Variants in DCC observed in about 807,000 individuals in gnomAD.
The protein encoded by DCC is DCC netrin 1 receptor, also known as netrin receptor DCC.
DCC carries 58 observed loss-of-function variants against 172.5 expected under a neutral mutation model. The ratio of observed to expected loss-of-function variants is 0.34; its 90% CI spans 0.27 to 0.42. The LOEUF (loss-of-function observed/expected upper bound fraction) is 0.42, where lower values mean the gene tolerates loss of function less well. Among genes scored for constraint, DCC ranks in the 10% least tolerant of loss-of-function variants. DCC has a pLI of 1.00. For synonymous variants in DCC, 709 were observed against 644.5 expected (o/e 1.10, Z -1.52); for missense variants, 1,740 against 1,791.0 (o/e 0.97, Z 0.51).
intron 1 of DCC, among the ~76,000 whole-genome samples, chr18:52,659,149 C>G (rs897138784): frequency 1.3e-5 from 2 of 152,008 alleles, no homozygotes; most frequent in African/African-American, 2.4e-5. Context: ...GAAGGTAAAG[C>G]AGAAACAGAT....
At chr18:53,050,175 C>T (rs1311887985) in intron 5 of DCC, among the ~76,000 whole-genome samples, 1 of 152,086 alleles carries the variant, frequency 6.6e-6, no homozygotes, top group East Asian at 1.9e-4. Flanking sequence ...TATCTAGCCA[C>T]GCTGGCAGCA....
chr18:52,927,165 A>G lies in DCC; in HGVS notation c.985+1795A>G, dbSNP rs1259887281. On this transcript the variant is annotated intron_variant, in intron 5 of 28. Coordinates refer to ENST00000442544, the MANE Select transcript of DCC (RefSeq NM_005215.4). ...TATATATGTGTATATATACGTATAT[A>G]TGTGTATATATGTGTATATATACGT... Among the ~76,000 whole-genome samples, 12 of 32,326 alleles carry G rather than the reference A, an allele frequency of 3.7e-4. 2 individuals carry two copies. The highest frequency in any genetic ancestry group is 3.5e-4 in the Non-Finnish European group (5 of 14,188). 21.2% of individuals were successfully genotyped at this position (32,326 alleles called of 152,430 possible).
At chr18:52,419,612 G>C (rs1422477029) in intron 1 of DCC, 1 of 152,060 alleles carries the variant, frequency 6.6e-6, no homozygotes, top group Non-Finnish European at 1.5e-5. Context: ...TCTGAGATAA[G>C]AAGATCATTC....
At chr18:53,333,263 T>G (rs950566842) in intron 14 of DCC, among the ~76,000 whole-genome samples, 1 of 152,126 alleles carries the variant, frequency 6.6e-6, no homozygotes, top group Non-Finnish European at 1.5e-5. Context: ...TCTATAGAAA[T>G]GAACACATTT....
intron 28 of DCC, among the ~76,000 whole-genome samples, chr18:53,528,697 A>C (rs2046486418): frequency 6.6e-6 from 1 of 152,178 alleles, no homozygotes; most frequent in Non-Finnish European, 1.5e-5. Context: ...TGTAAAAATA[A>C]ATAGGTGAAG....
intron 15 of DCC, among the ~76,000 whole-genome samples, chr18:53,352,205 G>A (rs560758681): frequency 2.0e-5 from 3 of 152,054 alleles, no homozygotes; most frequent in Non-Finnish European, 4.4e-5. Context: ...ACAGCCTAAA[G>A]TTTCTGATTA....
chr18:52,958,982 TTTTG>T (rs1272755424), intron 5 of DCC, among the ~76,000 whole-genome samples: 4 of 152,126 alleles, frequency 2.6e-5, no homozygotes, highest in African/African-American at 9.7e-5. Context: ...TTTTTTGTAA[TTTTG>T]TTTTTTAGCT....
chr18:53,043,752 G>A (rs1170792202), intron 5 of DCC, among the ~76,000 whole-genome samples: 1 of 151,862 alleles, frequency 6.6e-6, no homozygotes, highest in Non-Finnish European at 1.5e-5. Flanking sequence ...TTCCTAAAGT[G>A]TATGCTTTAA....
At chr18:53,339,174 T>C (rs371238030) in intron 14 of DCC, among the ~76,000 whole-genome samples, 3 of 152,226 alleles carry the variant, frequency 2.0e-5, no homozygotes, top group East Asian at 3.9e-4. Context: ...CTTTTAATAA[T>C]AAATGCATTT....
intron 1 of DCC, among the ~76,000 whole-genome samples, chr18:52,650,654 G>C (rs2035114761): frequency 6.6e-6 from 1 of 152,130 alleles, no homozygotes; most frequent in Non-Finnish European, 1.5e-5. Flanking sequence ...AGGTTGTCTG[G>C]TATATAGTTT....
At chr18:52,670,763 C>G (rs1366375226) in intron 1 of DCC, among the ~76,000 whole-genome samples, 1 of 152,004 alleles carries the variant, frequency 6.6e-6, no homozygotes, top group Non-Finnish European at 1.5e-5. Context: ...TCATTTGAAC[C>G]CTGGAAGCGG....
At chr18:52,409,862 A>G (rs1329277662) in intron 1 of DCC, among the ~76,000 whole-genome samples, 1 of 152,124 alleles carries the variant, frequency 6.6e-6, no homozygotes, top group Non-Finnish European at 1.5e-5. Flanking sequence ...GGAGAAACTG[A>G]AAGTAATAAA....
At chr18:53,046,893 C>A (rs1294137090) in intron 5 of DCC, among the ~76,000 whole-genome samples, 1 of 151,726 alleles carries the variant, frequency 6.6e-6, no homozygotes, top group African/African-American at 2.4e-5. Flanking sequence ...ACAACACAGC[C>A]AGAGCTGGGA....
At chr18:53,281,389 C>G (rs986710813) in intron 12 of DCC, among the ~76,000 whole-genome samples, 2 of 152,174 alleles carry the variant, frequency 1.3e-5, no homozygotes, top group Non-Finnish European at 2.9e-5. Flanking sequence ...GGTCAACACA[C>G]ACACGCACAC....
In DCC at chr18:53,500,747, C is replaced by T. The variant is rs929509239; in HGVS notation, c.4111+1237C>T. On this transcript the variant is annotated intron_variant, in intron 27 of 28. Transcript: ENST00000442544. Reference sequence around the variant, plus strand: ...GTAGGATTCCATTGGTTGGGACGCACGTTCCACTATGGAGTCTTCCTTGAC... The same window carrying T: ...GTAGGATTCCATTGGTTGGGACGCATGTTCCACTATGGAGTCTTCCTTGAC... 8.6e-5 allele frequency among the ~76,000 whole-genome samples: 13 copies of T among 151,798 alleles called. No individual in the cohort carries two copies. The South Asian group carries it at 1.0e-3, about 12-fold the overall frequency.
At chr18:52,857,114 A>G (rs1568149191) in intron 2 of DCC, among the ~76,000 whole-genome samples, 1 of 152,224 alleles carries the variant, frequency 6.6e-6, no homozygotes, top group Non-Finnish European at 1.5e-5. Context: ...CATTTTGGAA[A>G]AAAAATGGTA....
In DCC at chr18:53,122,716, C is replaced by T. The variant is rs73457548; in HGVS notation, c.1262-34640C>T. Among the ~76,000 whole-genome samples, 343 of 152,098 alleles carry T rather than the reference C, an allele frequency of 2.3e-3. 1 individual carries two copies. The highest frequency in any genetic ancestry group is 8.1e-3 in the African/African-American group (335 of 41,546). The stretch of plus-strand genomic sequence containing the variant: ...GTCTGACCTGAAAGAGTGAATGTCA[C>T]AGGACTTCTCAGGAATTAACATGAT... On this transcript the variant is annotated intron_variant, in intron 7 of 28. Coordinates refer to ENST00000442544, the MANE Select transcript of DCC (RefSeq NM_005215.4).
intron 5 of DCC, among the ~76,000 whole-genome samples, chr18:52,953,965 T>A (rs2040700036): frequency 6.6e-6 from 1 of 152,196 alleles, no homozygotes; most frequent in African/African-American, 2.4e-5. Flanking sequence ...TAGCAACAAT[T>A]TTGAGGTGCC....
At chr18:52,629,877 G>T (rs997497818) in intron 1 of DCC, among the ~76,000 whole-genome samples, 1 of 150,632 alleles carries the variant, frequency 6.6e-6, no homozygotes, top group East Asian at 2.0e-4. Context: ...GTGAAACCGG[G>T]AGGCGGAGCT....
Sources: gnomAD v4.1 joint callset for allele counts (sites outside exome capture counted in the v4.1 genomes callset) on GRCh38, gnomAD v4.1.1 for gene constraint, MANE v1.5 for transcripts, NCBI Gene and HGNC (gene_info 2026-07-23, HGNC 2026-07-21) for gene names.